Variants in FSHR observed in about 807,000 individuals in gnomAD.
The protein encoded by FSHR is follicle-stimulating hormone receptor.
Under a neutral mutation model 52.1 loss-of-function variants are expected in FSHR, and 46 were observed. The observed-to-expected ratio is 0.88, with a 90% confidence interval of 0.70 to 1.13. FSHR has a LOEUF of 1.13. FSHR is among the 50% of genes most tolerant of loss of function. The pLI, the probability that FSHR is intolerant of heterozygous loss-of-function variation, is 0.00. For missense variants in FSHR, 964 were observed against 834.6 expected (o/e 1.16, Z -1.91); for synonymous variants, 399 against 309.6 (o/e 1.29, Z -3.03).
intron 2 of FSHR, among the ~76,000 whole-genome samples, chr2:49,029,168 A>G (rs901739653): frequency 2.6e-5 from 4 of 152,202 alleles, no homozygotes; most frequent in African/African-American, 7.2e-5. Context: ...TCTATATTTG[A>G]CCTAATTTAA....
intron 2 of FSHR, among the ~76,000 whole-genome samples, chr2:49,051,577 T>C (rs1200227025): frequency 6.6e-6 from 1 of 152,156 alleles, no homozygotes; most frequent in Admixed American, 6.5e-5. Flanking sequence ...AGATATGTTC[T>C]TGATACAAGT....
chr2:49,052,970 T>G (rs1198593806), intron 2 of FSHR, among the ~76,000 whole-genome samples: 1 of 152,238 alleles, frequency 6.6e-6, no homozygotes, highest in Non-Finnish European at 1.5e-5. Flanking sequence ...TCAACTTTTT[T>G]AATGTGTTTG....
chr2:49,072,809 C>T (rs1221257152), intron 1 of FSHR, among the ~76,000 whole-genome samples: 1 of 151,002 alleles, frequency 6.6e-6, no homozygotes, highest in Non-Finnish European at 1.5e-5. Flanking sequence ...ATAATTTCAA[C>T]ACTGAAAATG....
chr2:49,064,440 CAT>C (rs1229061706), intron 2 of FSHR, among the ~76,000 whole-genome samples: 1 of 152,076 alleles, frequency 6.6e-6, no homozygotes, highest in Non-Finnish European at 1.5e-5. Flanking sequence ...CACGTAGGGA[CAT>C]GTTTGTCCCC....
At position 48,962,519 on chromosome 2, in the gene FSHR, A is replaced by AT. The variant is rs2103988222; in HGVS notation, c.*213dup. 1 of 580,740 alleles carries AT rather than the reference A, an allele frequency of 1.7e-6. No individual in the cohort carries two copies. The highest frequency in any genetic ancestry group is 3.1e-6 in the Non-Finnish European group (1 of 327,720). The allele number at this position is 580,740 out of a possible 1,614,324, so 36.0% of individuals were successfully genotyped here. A position where few individuals can be genotyped will look rare whatever the true frequency, so the allele number is the denominator to read the frequency against. On this transcript the variant is annotated 3_prime_UTR_variant, in exon 10 of 10. Coordinates refer to ENST00000406846, the MANE Select transcript of FSHR (RefSeq NM_000145.4). ...ATAAGGATAAAATATGTAATACAGT[A>AT]TTGCATTCTTTAATTATTATTGTTG...
intron 1 of FSHR, among the ~76,000 whole-genome samples, chr2:49,123,118 T>C (rs1275946160): frequency 6.6e-6 from 1 of 152,166 alleles, no homozygotes; most frequent in Non-Finnish European, 1.5e-5. Context: ...ACCTGAGTCA[T>C]ATAGAGTCTA....
chr2:49,034,156 A>G (rs1195842246), intron 2 of FSHR, among the ~76,000 whole-genome samples: 1 of 152,268 alleles, frequency 6.6e-6, no homozygotes, highest in East Asian at 1.9e-4. Context: ...ACTTACAGTG[A>G]TTGACTTTCT....
At chr2:49,005,653 C>T (rs1349749544) in intron 4 of FSHR, among the ~76,000 whole-genome samples, 1 of 152,112 alleles carries the variant, frequency 6.6e-6, no homozygotes, top group Non-Finnish European at 1.5e-5. Context: ...TCACTGCAAC[C>T]ACTTAGATGG....
chr2:49,150,831 G>A (rs537912236), intron 1 of FSHR, among the ~76,000 whole-genome samples: 1 of 151,906 alleles, frequency 6.6e-6, no homozygotes, highest in South Asian at 2.1e-4. Context: ...TAAATCAGAA[G>A]TGGGCAATAC....
At chr2:49,047,296 A>G (rs1217709630) in intron 2 of FSHR, among the ~76,000 whole-genome samples, 1 of 152,212 alleles carries the variant, frequency 6.6e-6, no homozygotes, top group East Asian at 1.9e-4. Context: ...AATTTAAGGG[A>G]AGATATAAAA....
intron 2 of FSHR, among the ~76,000 whole-genome samples, chr2:49,063,691 C>T (rs1572696909): frequency 6.6e-6 from 1 of 151,956 alleles, no homozygotes; most frequent in African/African-American, 2.4e-5. Context: ...AGAGAGGATA[C>T]CAAAAGATTG....
rs749561916 is a variant in FSHR at position 48,990,550 on chromosome 2, C to G, written c.446+16G>C. ...ACTGAGTAAAGAGTTGGTAGTCACT[C>G]AAGGAAAAAACTTACAGTAAAACTT... On this transcript the variant is annotated intron_variant, in intron 5 of 9. Transcript: ENST00000406846. The G allele has an allele frequency of 2.4e-5, 37 of 1,563,798 alleles. No homozygotes were observed. The highest frequency in any genetic ancestry group is 3.2e-5 in the Non-Finnish European group (36 of 1,134,490).
At chr2:49,078,613 TAAATAAATTA>T (rs1670042419) in intron 1 of FSHR, among the ~76,000 whole-genome samples, 1 of 151,174 alleles carries the variant, frequency 6.6e-6, no homozygotes, top group African/African-American at 2.5e-5. Context: ...AATTTTCATA[TAAATAAATTA>T]AAAGAGAAAA....
chr2:49,128,368 AG>A (rs2103803527), intron 1 of FSHR, among the ~76,000 whole-genome samples: 1 of 152,328 alleles, frequency 6.6e-6, no homozygotes, highest in African/African-American at 2.4e-5. Context: ...AGCAATACTG[AG>A]AAAAAAGCTT....
rs368414746 is a variant in FSHR, at chr2:49,030,963, C to T, written c.225-10803G>A. Among the ~76,000 whole-genome samples, 14 of 152,254 alleles carry T rather than the reference C, an allele frequency of 9.2e-5. No homozygotes were observed. In the East Asian group the frequency reaches 1.5e-3, roughly 17 times the overall value. On this transcript the variant is annotated intron_variant, in intron 2 of 9. Transcript: ENST00000406846. Reference sequence around the variant, plus strand: ...GAGACTACCAATGCCTAGAGAAAAACGCCATCATTCTAGGGAGGAATAAGA... The same window carrying T: ...GAGACTACCAATGCCTAGAGAAAAATGCCATCATTCTAGGGAGGAATAAGA...
At chr2:49,030,929 C>CT (rs1306870067) in intron 2 of FSHR, among the ~76,000 whole-genome samples, 1 of 152,136 alleles carries the variant, frequency 6.6e-6, no homozygotes. Flanking sequence ...TAAATGCTTC[C>CT]TATTTTATGA....
At chr2:48,967,169 C>T (rs1460293460) in intron 9 of FSHR, among the ~76,000 whole-genome samples, 5 of 152,184 alleles carry the variant, frequency 3.3e-5, no homozygotes, top group Non-Finnish European at 7.3e-5. Flanking sequence ...AATTATAGCT[C>T]ACTGCAGCCT....
At chr2:49,135,015 T>G (rs1370578196) in intron 1 of FSHR, among the ~76,000 whole-genome samples, 1 of 152,166 alleles carries the variant, frequency 6.6e-6, no homozygotes, top group Non-Finnish European at 1.5e-5. Flanking sequence ...TGTATACATA[T>G]GTAACTAACC....
At chr2:48,971,910 A>G (rs371205413) in intron 8 of FSHR, among the ~76,000 whole-genome samples, 4 of 152,278 alleles carry the variant, frequency 2.6e-5, no homozygotes, top group Non-Finnish European at 1.5e-5. Context: ...AGGAGTGCCA[A>G]TGAACTCAGT....
Sources: allele counts gnomAD v4.1 joint callset (sites outside exome capture counted in the v4.1 genomes callset), GRCh38; gene constraint gnomAD v4.1.1; transcripts MANE v1.5; gene names NCBI Gene and HGNC (gene_info 2026-07-23, HGNC 2026-07-21).